MTX2: variants seen among roughly 807,000 people sequenced by gnomAD.
The protein encoded by MTX2 is metaxin-2.
Under a neutral mutation model 42.3 loss-of-function variants are expected in MTX2, and 35 were observed. That is an observed-to-expected ratio of 0.83 (90% CI 0.63 to 1.10). The LOEUF (loss-of-function observed/expected upper bound fraction) is 1.10, where lower values mean the gene tolerates loss of function less well. Among genes scored for constraint, MTX2 ranks in the 50% least tolerant of loss-of-function variants. The probability of loss-of-function intolerance (pLI) is 0.00; values close to 1 mark genes in which losing one functional copy is unlikely to be tolerated. For missense variants in MTX2, 307 were observed against 304.1 expected (o/e 1.01, Z -0.07); for synonymous variants, 119 against 100.9 (o/e 1.18, Z -1.08).
At chr2:176,328,212 A>G (rs1684756957) in intron 5 of MTX2, 81 bp from the exon 6 acceptor site, 9 of 799,610 alleles carry the variant, frequency 1.1e-5, no homozygotes, top group Admixed American at 2.8e-5. Flanking sequence ...GTTGCATGTT[A>G]CGTTATTTGT....
chr2:176,299,484 C>T (rs923791131), intron 3 of MTX2, among the ~76,000 whole-genome samples: 18 of 152,086 alleles, frequency 1.2e-4, no homozygotes, highest in African/African-American at 3.6e-4. Context: ...ATCATAGTTG[C>T]AATTAAAAAT....
In MTX2 at chr2:176,301,667, A is replaced by G. The variant is rs143915239; in HGVS notation, c.135+3772A>G. On this transcript the variant is annotated intron_variant, in intron 3 of 9. Coordinates refer to ENST00000249442, the MANE Select transcript of MTX2 (RefSeq NM_006554.5). ...CCACACTCATAACACTTTGCTGCAT[A>G]TTGGTCTAGTCCAGTGATAACAGAT... Among the ~76,000 whole-genome samples the G allele has an allele frequency of 3.3e-5, 5 of 152,316 alleles. No individual in the cohort carries two copies. The East Asian group carries it at 9.6e-4, about 29-fold the overall frequency.
intron 3 of MTX2, among the ~76,000 whole-genome samples, chr2:176,302,432 A>ATTTTG (rs946087234): frequency 2.0e-5 from 3 of 152,054 alleles, no homozygotes; most frequent in African/African-American, 7.2e-5. Flanking sequence ...AAAAGTCAGC[A>ATTTTG]TTTTGTTTTG....
chr2:176,271,197 C>G (rs1042359433), intron 1 of MTX2, among the ~76,000 whole-genome samples: 6 of 151,986 alleles, frequency 3.9e-5, no homozygotes, highest in Admixed American at 2.0e-4. Flanking sequence ...ATGGATAATT[C>G]AATAAATGGT....
At chr2:176,269,741 A>G in intron 1 of MTX2, 72 bp downstream of exon 1, 1 of 1,498,932 alleles carries the variant, frequency 6.7e-7, no homozygotes, top group Non-Finnish European at 8.9e-7. Flanking sequence ...ACAGGGCTGG[A>G]GCTTTCCTCC....
At chr2:176,300,404 A>C (rs577011790) in intron 3 of MTX2, among the ~76,000 whole-genome samples, 1 of 152,110 alleles carries the variant, frequency 6.6e-6, no homozygotes, top group African/African-American at 2.4e-5. Flanking sequence ...GTATATCCAA[A>C]TATTATTTTA....
At chr2:176,298,921 A>G (rs949250989) in intron 3 of MTX2, among the ~76,000 whole-genome samples, 3 of 152,234 alleles carry the variant, frequency 2.0e-5, no homozygotes, top group African/African-American at 4.8e-5. Flanking sequence ...TAGCCAGGCT[A>G]TTCTGCATGT....
intron 1 of MTX2, among the ~76,000 whole-genome samples, chr2:176,275,775 A>G (rs1427169066): frequency 6.6e-6 from 1 of 152,168 alleles, no homozygotes. Flanking sequence ...AAAAGGGTAG[A>G]GTACTTGGGT....
intron 1 of MTX2, among the ~76,000 whole-genome samples, chr2:176,287,132 A>G (rs1693224252): frequency 6.6e-6 from 1 of 152,222 alleles, no homozygotes; most frequent in Non-Finnish European, 1.5e-5. Context: ...AAAGGTACAC[A>G]TAAGGAGATA....
chr2:176,316,323 GAA>G (rs1684437558), intron 3 of MTX2, among the ~76,000 whole-genome samples: 1 of 152,176 alleles, frequency 6.6e-6, no homozygotes, highest in East Asian at 1.9e-4. Context: ...TTCCAGAGGA[GAA>G]ATGTCTTTTG....
chr2:176,298,696 G>A (rs923220787), intron 3 of MTX2, among the ~76,000 whole-genome samples: 1 of 152,048 alleles, frequency 6.6e-6, no homozygotes, highest in Non-Finnish European at 1.5e-5. Flanking sequence ...TTATAAGTGT[G>A]GTGAAAGTAG....
At chr2:176,303,886 A>G (rs1684083791) in intron 3 of MTX2, among the ~76,000 whole-genome samples, 1 of 152,066 alleles carries the variant, frequency 6.6e-6, no homozygotes, top group African/African-American at 2.4e-5. Flanking sequence ...ACACTCCTGT[A>G]GTTCTGAGAG....
At chr2:176,286,023 A>T (rs899452992) in intron 1 of MTX2, among the ~76,000 whole-genome samples, 1 of 152,150 alleles carries the variant, frequency 6.6e-6, no homozygotes, top group African/African-American at 2.4e-5. Context: ...TTTGCTAAAC[A>T]TTTGTTATTG....
At position 176,274,810 on chromosome 2, in the gene MTX2, A is replaced by G. The variant is rs186938959; in HGVS notation, c.40+5141A>G. 4.1e-3 allele frequency among the ~76,000 whole-genome samples: 623 copies of G among 152,268 alleles called. 3 individuals carry two copies. Among genetic ancestry groups the G allele is most frequent in the Admixed American group, 6.1e-3 (94 of 15,294 alleles). ...TCTCCCTTTTGATTAATGTAAAGCT[A>G]ACTAAGTAGGGACTTTAATTATATC... is the stretch of plus-strand genomic sequence containing the variant. On this transcript the variant is annotated intron_variant, in intron 1 of 9. Coordinates refer to ENST00000249442, the MANE Select transcript of MTX2 (RefSeq NM_006554.5).
intron 9 of MTX2, among the ~76,000 whole-genome samples, chr2:176,335,694 T>C (rs941730986): frequency 1.3e-5 from 2 of 152,138 alleles, no homozygotes; most frequent in African/African-American, 4.8e-5. Context: ...ATTTTTGGCC[T>C]GAACAGCTGG....
chr2:176,302,743 T>G (rs1684055244), intron 3 of MTX2, among the ~76,000 whole-genome samples: 1 of 152,138 alleles, frequency 6.6e-6, no homozygotes, highest in Non-Finnish European at 1.5e-5. Context: ...TGACCAAAAG[T>G]CAGCATTTTT....
chr2:176,319,219 A>G (rs1327994950), intron 3 of MTX2, among the ~76,000 whole-genome samples: 2 of 152,168 alleles, frequency 1.3e-5, no homozygotes, highest in African/African-American at 2.4e-5. Context: ...CTATTTCCGA[A>G]TTGAAAAGAA....
At chr2:176,271,055 A>G (rs1396078479) in intron 1 of MTX2, among the ~76,000 whole-genome samples, 4 of 152,194 alleles carry the variant, frequency 2.6e-5, no homozygotes, top group Admixed American at 6.5e-5. Flanking sequence ...TTAATGAGAA[A>G]ATGATGAATG....
intron 1 of MTX2, among the ~76,000 whole-genome samples, chr2:176,273,422 G>C (rs1194808912): frequency 6.6e-6 from 1 of 152,164 alleles, no homozygotes; most frequent in Admixed American, 6.5e-5. Context: ...ATATAGATCT[G>C]TTATAACTTA....
Sources: allele counts gnomAD v4.1 joint callset (sites outside exome capture counted in the v4.1 genomes callset), GRCh38; gene constraint gnomAD v4.1.1; transcripts MANE v1.5; gene names NCBI Gene and HGNC (gene_info 2026-07-23, HGNC 2026-07-21).